The following KCNMB4 variants were observed in gnomAD, a reference collection of about 807,000 sequenced individuals.
KCNMB4 encodes the protein calcium-activated potassium channel subunit beta-4.
A neutral mutation model predicts 20.7 loss-of-function variants in KCNMB4; 3 were observed. The observed-to-expected ratio is 0.14, with a 90% CI of 0.07 to 0.37. The LOEUF (loss-of-function observed/expected upper bound fraction) is 0.37. Among genes scored for constraint, KCNMB4 ranks in the 10% least tolerant of loss-of-function variants. The pLI is 1.00. For missense variants in KCNMB4, 168 were observed against 265.9 expected (o/e 0.63, Z 2.56); for synonymous variants, 110 against 113.4 (o/e 0.97, Z 0.19).
intron 1 of KCNMB4, among the ~76,000 whole-genome samples, chr12:70,385,726 T>A (rs1267536419): frequency 1.3e-5 from 2 of 152,196 alleles, no homozygotes; most frequent in Non-Finnish European, 2.9e-5. Flanking sequence ...AAAAGTTAAA[T>A]GAACTTCAAG....
intron 2 of KCNMB4, among the ~76,000 whole-genome samples, chr12:70,402,195 G>A (rs1034886673): frequency 2.6e-5 from 4 of 151,910 alleles, no homozygotes; most frequent in Non-Finnish European, 4.4e-5. Context: ...CGGCCATACT[G>A]GAAATTCCTC....
At chr12:70,412,274 C>A (rs1249839043) in intron 2 of KCNMB4, among the ~76,000 whole-genome samples, 2 of 152,186 alleles carry the variant, frequency 1.3e-5, no homozygotes, top group African/African-American at 4.8e-5. Context: ...GATGCCACAA[C>A]AGCAAAAGGC....
intron 1 of KCNMB4, among the ~76,000 whole-genome samples, chr12:70,384,857 C>A (rs1883859111): frequency 8.8e-6 from 1 of 114,144 alleles, no homozygotes; most frequent in Non-Finnish European, 1.6e-5. Flanking sequence ...CTGAGCAACA[C>A]AGTGAGACCC....
intron 1 of KCNMB4, among the ~76,000 whole-genome samples, chr12:70,393,285 C>A (rs557426103): frequency 6.6e-6 from 1 of 152,130 alleles, no homozygotes; most frequent in Non-Finnish European, 1.5e-5. Flanking sequence ...TCACTACAAC[C>A]TCTGCCTCCC....
chr12:70,403,230 G>A (rs1868505636), intron 2 of KCNMB4, among the ~76,000 whole-genome samples: 1 of 143,258 alleles, frequency 7.0e-6, no homozygotes, highest in African/African-American at 2.5e-5. Context: ...TTCAGGAAAT[G>A]TTTCTGAGTC....
intron 2 of KCNMB4, among the ~76,000 whole-genome samples, chr12:70,421,075 A>G (rs1272496517): frequency 6.6e-6 from 1 of 151,776 alleles, no homozygotes; most frequent in Non-Finnish European, 1.5e-5. Flanking sequence ...AAAATACTAC[A>G]AATTTTAAAA....
At chr12:70,371,212 C>T (rs956067946) in intron 1 of KCNMB4, among the ~76,000 whole-genome samples, 5 of 151,954 alleles carry the variant, frequency 3.3e-5, no homozygotes, top group Non-Finnish European at 5.9e-5. Context: ...TAATAAAAAC[C>T]TAGAAACAAA....
chr12:70,377,971 A>G (rs924473096), intron 1 of KCNMB4, among the ~76,000 whole-genome samples: 3 of 140,046 alleles, frequency 2.1e-5, no homozygotes. Context: ...TTTTTTTGAG[A>G]TGGAGTCTTG....
chr12:70,407,718 C>T (rs1868649241), intron 2 of KCNMB4, among the ~76,000 whole-genome samples: 1 of 151,726 alleles, frequency 6.6e-6, no homozygotes, highest in African/African-American at 2.4e-5. Flanking sequence ...CCGCCCGCCT[C>T]AGCCTCCCAA....
chr12:70,424,830 T>C (rs985335535), intron 2 of KCNMB4, among the ~76,000 whole-genome samples: 6 of 152,200 alleles, frequency 3.9e-5, no homozygotes, highest in Admixed American at 6.5e-5. Flanking sequence ...TAACTTGATA[T>C]AGCTTTTAGG....
chr12:70,393,369 A>C (rs1406650517), intron 1 of KCNMB4, among the ~76,000 whole-genome samples: 1 of 151,864 alleles, frequency 6.6e-6, no homozygotes, highest in Non-Finnish European at 1.5e-5. Flanking sequence ...TGCCTAGCTA[A>C]TTTTTGTTGT....
intron 1 of KCNMB4, among the ~76,000 whole-genome samples, chr12:70,398,426 A>C (rs1329373967): frequency 6.6e-6 from 1 of 152,186 alleles, no homozygotes; most frequent in Non-Finnish European, 1.5e-5. Flanking sequence ...ATTGCTTCCA[A>C]ACCCAACTGC....
chr12:70,411,482 T>C (rs1481207798), intron 2 of KCNMB4, among the ~76,000 whole-genome samples: 1 of 152,254 alleles, frequency 6.6e-6, no homozygotes. Flanking sequence ...ATTTAAGCTT[T>C]AATTATTTGG....
intron 2 of KCNMB4, 21 bp from the exon 3 acceptor site, chr12:70,430,464 T>A: frequency 6.2e-7 from 1 of 1,611,974 alleles, no homozygotes. Flanking sequence ...CCTTTCTTTC[T>A]TATTCTCCAT....
chr12:70,374,864 T>C (rs1883658631), intron 1 of KCNMB4, among the ~76,000 whole-genome samples: 1 of 152,096 alleles, frequency 6.6e-6, no homozygotes, highest in Non-Finnish European at 1.5e-5. Flanking sequence ...TATATTGATA[T>C]TATATTTCAC....
chr12:70,422,340 A>G (rs1486378266), intron 2 of KCNMB4, among the ~76,000 whole-genome samples: 2 of 152,218 alleles, frequency 1.3e-5, no homozygotes, highest in African/African-American at 4.8e-5. Flanking sequence ...CCTCTCAGGA[A>G]TTTCTGGAAC....
At chr12:70,385,357 C>T (rs1390148184) in intron 1 of KCNMB4, among the ~76,000 whole-genome samples, 1 of 152,180 alleles carries the variant, frequency 6.6e-6, no homozygotes, top group Admixed American at 6.5e-5. Flanking sequence ...GCATCTACCT[C>T]CTCAATCTGT....
At chr12:70,394,779 A>C (rs1349122429) in intron 1 of KCNMB4, among the ~76,000 whole-genome samples, 4 of 152,030 alleles carry the variant, frequency 2.6e-5, no homozygotes, top group African/African-American at 9.7e-5. Context: ...CAGTCCTCCC[A>C]CTTCAGCTTT....
chr12:70,404,881 C>T (rs557856848), intron 2 of KCNMB4, among the ~76,000 whole-genome samples: 1 of 152,104 alleles, frequency 6.6e-6, no homozygotes, highest in African/African-American at 2.4e-5. Context: ...GGAATCATGG[C>T]GCACAAGCTG....
Sources: allele counts gnomAD v4.1 joint callset (sites outside exome capture counted in the v4.1 genomes callset), GRCh38; gene constraint gnomAD v4.1.1; transcripts MANE v1.5; gene names NCBI Gene and HGNC (gene_info 2026-07-23, HGNC 2026-07-21).